Variants in GABRA5 observed in about 807,000 individuals in gnomAD.
GABRA5 encodes the protein gamma-aminobutyric acid type A receptor subunit alpha5.
In GABRA5, 18 loss-of-function variants were observed where a neutral mutation model predicts 47.3. That is an observed-to-expected ratio of 0.38 (90% CI 0.26 to 0.56). The LOEUF is 0.56. GABRA5 is among the 20% of genes least tolerant of loss of function. GABRA5 has a pLI of 0.71. For synonymous variants in GABRA5, 237 were observed against 229.3 expected, an observed-to-expected ratio of 1.03 and a Z score of -0.30; for missense variants, 365 against 599.3, an observed-to-expected ratio of 0.61 and a Z score of 4.08.
intron 6 of GABRA5, among the ~76,000 whole-genome samples, chr15:26,906,455 T>C (rs1156292922): frequency 6.6e-6 from 1 of 152,152 alleles, no homozygotes; most frequent in East Asian, 1.9e-4. Flanking sequence ...ACATGAAAAC[T>C]TTGGGTCTTT....
At chr15:26,877,487 T>G (rs985900877) in intron 3 of GABRA5, among the ~76,000 whole-genome samples, 1 of 152,186 alleles carries the variant, frequency 6.6e-6, no homozygotes, top group Non-Finnish European at 1.5e-5. Context: ...AGCTGCAGCT[T>G]AAAACAAGCC....
At chr15:26,896,627 G>A (rs145985835) in intron 6 of GABRA5, among the ~76,000 whole-genome samples, 37 of 152,178 alleles carry the variant, frequency 2.4e-4, no homozygotes, top group African/African-American at 8.7e-4. Context: ...TCAATTTATA[G>A]TACCCCAAAA....
At chr15:26,902,871 A>G (rs764636462) in intron 6 of GABRA5, among the ~76,000 whole-genome samples, 1 of 152,120 alleles carries the variant, frequency 6.6e-6, no homozygotes, top group Non-Finnish European at 1.5e-5. Context: ...ATTTTGTTAA[A>G]TGCTTTTTCT....
intron 7 of GABRA5, among the ~76,000 whole-genome samples, chr15:26,922,834 C>T (rs1321993900): frequency 6.6e-6 from 1 of 152,188 alleles, no homozygotes; most frequent in African/African-American, 2.4e-5. Flanking sequence ...GATCATAGCA[C>T]ACTGCAGCCT....
intron 7 of GABRA5, among the ~76,000 whole-genome samples, chr15:26,930,836 G>A (rs1376141768): frequency 6.6e-6 from 1 of 150,884 alleles, no homozygotes; most frequent in Non-Finnish European, 1.5e-5. Flanking sequence ...CAGTCTTGGT[G>A]CCAATTTCTT....
chr15:26,943,431 T>A lies in GABRA5; in HGVS notation c.1089+5T>A. On this transcript the variant is annotated splice_donor_5th_base_variant and intron_variant, in intron 10 of 10. Coordinates refer to ENST00000335625, the MANE Select transcript of GABRA5 (RefSeq NM_000810.4). ...TTGGAAGCAGCCAAGATCAAGGTACTGACTATTTCTCCTCCTTTCTTCCAG... is the reference window on the plus strand; with the variant it reads ...TTGGAAGCAGCCAAGATCAAGGTACAGACTATTTCTCCTCCTTTCTTCCAG... The A allele has an allele frequency of 1.3e-6, 2 of 1,576,206 alleles. No individual in the cohort carries two copies. The highest frequency in any genetic ancestry group is 1.7e-6 in the Non-Finnish European group (2 of 1,159,966).
rs1043795588 is a variant in GABRA5, at chr15:26,883,772, T to C, written c.497+215T>C. Among the ~76,000 whole-genome samples the C allele has an allele frequency of 1.1e-4, 16 of 152,204 alleles. No homozygotes were observed. The highest frequency in any genetic ancestry group is 3.6e-4 in the African/African-American group (15 of 41,458). On this transcript the variant is annotated intron_variant, in intron 6 of 10. Coordinates refer to ENST00000335625, the MANE Select transcript of GABRA5 (RefSeq NM_000810.4). The surrounding 1 kb of genome is among the most constrained non-coding windows in gnomAD (Gnocchi z 4.8). ...CCATAGGTCCGTGGCCGTTTGTCAT[T>C]TGGACTCGTTTATTCGGTTCAAGCT...
rs1204756586 is a variant in GABRA5 at position 26,948,518 on chromosome 15, T to C, written c.*285T>C. On this transcript the variant is annotated 3_prime_UTR_variant, in exon 11 of 11. Coordinates refer to ENST00000335625, the MANE Select transcript of GABRA5 (RefSeq NM_000810.4). ...ATACGTTGATAGTTTACAAACAAGATACGTATATTTTTAACTGCTTCAAGT... is the reference window on the plus strand; with the variant it reads ...ATACGTTGATAGTTTACAAACAAGACACGTATATTTTTAACTGCTTCAAGT... 5 of 350,318 alleles carry C rather than the reference T, an allele frequency of 1.4e-5. No homozygotes were observed. The highest frequency in any genetic ancestry group is 2.6e-5 in the Non-Finnish European group (5 of 193,236). The allele number at this position is 350,318 out of a possible 1,614,324, so 21.7% of individuals were successfully genotyped here.
At chr15:26,917,087 C>T (rs1438560056) in intron 7 of GABRA5, among the ~76,000 whole-genome samples, 1 of 151,986 alleles carries the variant, frequency 6.6e-6, no homozygotes, top group Non-Finnish European at 1.5e-5. Flanking sequence ...ATCGTTCTGG[C>T]TAGGTCCTAA....
chr15:26,875,333 G>A (rs1426072126), intron 3 of GABRA5, among the ~76,000 whole-genome samples: 1 of 152,188 alleles, frequency 6.6e-6, no homozygotes, highest in East Asian at 1.9e-4. Context: ...TTGCCCTGCA[G>A]CTACACCAAT....
At chr15:26,901,345 C>T (rs956006451) in intron 6 of GABRA5, among the ~76,000 whole-genome samples, 1 of 152,114 alleles carries the variant, frequency 6.6e-6, no homozygotes. Flanking sequence ...TTCTGGATTT[C>T]GGCCATTTTA....
At chr15:26,902,919 G>A (rs138910778) in intron 6 of GABRA5, among the ~76,000 whole-genome samples, 80 of 152,102 alleles carry the variant, frequency 5.3e-4, no homozygotes, top group African/African-American at 1.9e-3. Context: ...TTCTTGTTTA[G>A]CCTGTTGATG....
Position 26,947,998 on chromosome 15 carries a change from C to A in GABRA5, c.1154C>A (p.Pro385His). 1 of 1,599,474 alleles carries A rather than the reference C, an allele frequency of 6.3e-7. No homozygotes were observed. Among genetic ancestry groups the A allele is most frequent in the South Asian group, 1.1e-5 (1 of 88,426 alleles). ...TTTACAACTGGGAAGATGTCTCACCCCCCAAACATTCCGAAGGAACAGACC... is the reference window on the plus strand; with the variant it reads ...TTTACAACTGGGAAGATGTCTCACCACCCAAACATTCCGAAGGAACAGACC... The part of the protein sequence containing the change: ...NAFTTGKMSH[P>H]PNIPKEQTPA... Residue 385 changes from proline to histidine, a missense_variant, in exon 11 of 11, where the codon CCC becomes CAC. Pro to His is a moderately conservative substitution (Grantham distance 77). This residue lies in a region of GABRA5 where 106 missense variants were observed against 130.3 expected (regional missense o/e 0.81). Coordinates refer to ENST00000335625, the MANE Select transcript of GABRA5 (RefSeq NM_000810.4).
intron 7 of GABRA5, among the ~76,000 whole-genome samples, chr15:26,933,786 C>T (rs758840511): frequency 9.2e-5 from 14 of 152,160 alleles, no homozygotes; most frequent in East Asian, 1.9e-4. Flanking sequence ...ACCCCACTCA[C>T]GTCATTTTTA....
At chr15:26,928,662 C>T (rs1465142076) in intron 7 of GABRA5, among the ~76,000 whole-genome samples, 11 of 152,166 alleles carry the variant, frequency 7.2e-5, no homozygotes, top group Admixed American at 7.2e-4. Context: ...CCCAAGCAGA[C>T]TAAAACAATT....
chr15:26,946,139 G>A (rs970820970), intron 10 of GABRA5, among the ~76,000 whole-genome samples: 5 of 151,834 alleles, frequency 3.3e-5, no homozygotes, highest in African/African-American at 9.7e-5. Flanking sequence ...TTCCCCTGAC[G>A]CCTGCTCCAC....
At chr15:26,905,864 C>G (rs1355599246) in intron 6 of GABRA5, among the ~76,000 whole-genome samples, 1 of 151,424 alleles carries the variant, frequency 6.6e-6, no homozygotes, top group Non-Finnish European at 1.5e-5. Flanking sequence ...TTTATATTCT[C>G]TATTTGTTGA....
chr15:26,890,161 A>G (rs932128568), intron 6 of GABRA5, among the ~76,000 whole-genome samples: 1 of 152,166 alleles, frequency 6.6e-6, no homozygotes, highest in African/African-American at 2.4e-5. Flanking sequence ...GCACCTACGT[A>G]TATCCTTTGA....
At chr15:26,947,680 C>T (rs1047865377) in intron 10 of GABRA5, among the ~76,000 whole-genome samples, 35 of 152,168 alleles carry the variant, frequency 2.3e-4, no homozygotes, top group African/African-American at 8.2e-4. Flanking sequence ...CATTCTCATG[C>T]ATGTGTCTTT....
Sources: allele counts gnomAD v4.1 joint callset (sites outside exome capture counted in the v4.1 genomes callset), GRCh38; gene constraint gnomAD v4.1.1; regional missense constraint gnomAD v4.1.1; non-coding constraint Gnocchi (gnomAD v3.1); transcripts MANE v1.5; gene names NCBI Gene and HGNC (gene_info 2026-07-23, HGNC 2026-07-21).